The following GRID2 variants were observed in gnomAD, a reference collection of about 807,000 sequenced individuals.
The protein encoded by GRID2 is glutamate receptor ionotropic, delta-2.
In GRID2, 33 loss-of-function variants were observed where a neutral mutation model predicts 114.8. The ratio of observed to expected loss-of-function variants is 0.29; its 90% CI spans 0.22 to 0.38. GRID2 has a LOEUF of 0.38. GRID2 is among the 10% of genes least tolerant of loss of function. The probability of loss-of-function intolerance (pLI) is 1.00; values close to 1 mark genes in which losing one functional copy is unlikely to be tolerated. For missense variants in GRID2, 1,184 were observed against 1,257.7 expected, an observed-to-expected ratio of 0.94 and a Z score of 0.89; for synonymous variants, 505 against 449.9, an observed-to-expected ratio of 1.12 and a Z score of -1.55.
At chr4:92,909,426 C>T (rs1334523305) in intron 2 of GRID2, among the ~76,000 whole-genome samples, 1 of 151,906 alleles carries the variant, frequency 6.6e-6, no homozygotes, top group Non-Finnish European at 1.5e-5. Flanking sequence ...ATTTTAAATA[C>T]TGGAGAAAAG....
At chr4:93,677,348 C>A (rs978896893) in intron 14 of GRID2, among the ~76,000 whole-genome samples, 8 of 152,164 alleles carry the variant, frequency 5.3e-5, no homozygotes, top group Non-Finnish European at 8.8e-5. Flanking sequence ...CCTCTGGGGG[C>A]AGGGCACACA....
intron 8 of GRID2, among the ~76,000 whole-genome samples, chr4:93,298,485 C>T (rs574492182): frequency 3.4e-4 from 52 of 152,308 alleles, no homozygotes; most frequent in African/African-American, 1.1e-3. Flanking sequence ...ACCTAAATCA[C>T]CTTGACCTAA....
chr4:93,716,185 A>C (rs1728884465), intron 14 of GRID2, among the ~76,000 whole-genome samples: 1 of 152,210 alleles, frequency 6.6e-6, no homozygotes, highest in African/African-American at 2.4e-5. Context: ...ATATGTGTAT[A>C]TAAACCTGTA....
chr4:93,758,053 T>C (rs1036167382), intron 14 of GRID2, among the ~76,000 whole-genome samples: 17 of 152,162 alleles, frequency 1.1e-4, no homozygotes, highest in African/African-American at 4.1e-4. Context: ...CTTTTTAAAA[T>C]GTCTAAAATG....
At chr4:93,434,573 C>G (rs1720884832) in intron 10 of GRID2, among the ~76,000 whole-genome samples, 1 of 152,068 alleles carries the variant, frequency 6.6e-6, no homozygotes, top group African/African-American at 2.4e-5. Context: ...AAAAAAACAG[C>G]CTTTATTTCC....
intron 13 of GRID2, among the ~76,000 whole-genome samples, chr4:93,594,094 G>A (rs1738745065): frequency 6.6e-6 from 1 of 152,170 alleles, no homozygotes; most frequent in East Asian, 1.9e-4. Context: ...TCCGTTGCTG[G>A]TGAGGAGCTG....
chr4:92,503,675 C>G (rs1313064526), intron 1 of GRID2, among the ~76,000 whole-genome samples: 1 of 152,096 alleles, frequency 6.6e-6, no homozygotes, highest in African/African-American at 2.4e-5. Context: ...TGATTTCCTT[C>G]CCACTGAACA....
chr4:92,900,595 C>T (rs1455482471), intron 2 of GRID2, among the ~76,000 whole-genome samples: 4 of 152,278 alleles, frequency 2.6e-5, no homozygotes, highest in African/African-American at 9.6e-5. Context: ...CTTTGGGAGG[C>T]CGAGGCGGGT....
chr4:92,356,496 A>T (rs1728330050), intron 1 of GRID2, among the ~76,000 whole-genome samples: 1 of 151,628 alleles, frequency 6.6e-6, no homozygotes, highest in Admixed American at 6.6e-5. Context: ...CTCAGCCATA[A>T]AAAATTTATA....
intron 7 of GRID2, among the ~76,000 whole-genome samples, chr4:93,237,192 T>C (rs1314589284): frequency 6.6e-6 from 1 of 151,936 alleles, no homozygotes; most frequent in Non-Finnish European, 1.5e-5. Context: ...AGGATTTTTA[T>C]TAATAAAACT....
intron 13 of GRID2, among the ~76,000 whole-genome samples, chr4:93,560,488 T>A (rs1037661477): frequency 2.0e-5 from 3 of 152,004 alleles, no homozygotes; most frequent in African/African-American, 4.8e-5. Flanking sequence ...TCATGTGAAC[T>A]CACTCATCAC....
In GRID2 at chr4:93,400,564, C is replaced by T. The variant is rs115820288; in HGVS notation, c.1347+4856C>T. Among the ~76,000 whole-genome samples, 383 of 151,894 alleles carry T rather than the reference C, an allele frequency of 2.5e-3. 1 individual carries two copies. The highest frequency in any genetic ancestry group is 8.6e-3 in the African/African-American group (355 of 41,424). ...TAATTCATGAAAACACTATTGGAAA[C>T]ATTACTGAGTTATAAACATAATCAT... On this transcript the variant is annotated intron_variant, in intron 9 of 15. Coordinates refer to ENST00000282020, the MANE Select transcript of GRID2 (RefSeq NM_001510.4).
intron 2 of GRID2, among the ~76,000 whole-genome samples, chr4:92,698,869 G>T (rs1170105306): frequency 6.6e-6 from 1 of 152,024 alleles, no homozygotes; most frequent in South Asian, 2.1e-4. Flanking sequence ...ACGCAAAATT[G>T]CATTAACAAA....
At chr4:93,777,588 A>G (rs1209021382), downstream of GRID2, among the ~76,000 whole-genome samples, 1 of 152,202 alleles carries the variant, frequency 6.6e-6, no homozygotes, top group Admixed American at 6.5e-5. Flanking sequence ...GAGAAACCCA[A>G]TACATTCCTA....
intron 13 of GRID2, among the ~76,000 whole-genome samples, chr4:93,596,239 C>T (rs773808941): frequency 2.6e-5 from 4 of 152,152 alleles, no homozygotes; most frequent in Admixed American, 1.3e-4. Context: ...CTTAGGCTAT[C>T]GCTAATAATA....
chr4:92,578,119 C>A (rs1374382451), intron 1 of GRID2, among the ~76,000 whole-genome samples: 9 of 88,630 alleles, frequency 1.0e-4, no homozygotes, highest in East Asian at 3.4e-4. Context: ...TCTTCTTTTT[C>A]TTATTATTAT....
At chr4:92,809,095 A>G (rs1054308706) in intron 2 of GRID2, among the ~76,000 whole-genome samples, 1 of 152,022 alleles carries the variant, frequency 6.6e-6, no homozygotes, top group African/African-American at 2.4e-5. Flanking sequence ...TTAATATAAT[A>G]TCTTGCTAAA....
At chr4:92,736,394 A>G (rs1378476804) in intron 2 of GRID2, among the ~76,000 whole-genome samples, 2 of 152,276 alleles carry the variant, frequency 1.3e-5, no homozygotes, top group East Asian at 1.9e-4. Context: ...GAGATATAGC[A>G]TAATAAATTT....
chr4:93,722,668 T>G (rs964871872), intron 14 of GRID2, among the ~76,000 whole-genome samples: 1 of 152,204 alleles, frequency 6.6e-6, no homozygotes, highest in African/African-American at 2.4e-5. Context: ...ATGGATCACT[T>G]CCTGAGAGTT....
Sources: gnomAD v4.1 joint callset for allele counts (sites outside exome capture counted in the v4.1 genomes callset) on GRCh38, gnomAD v4.1.1 for gene constraint, MANE v1.5 for transcripts, NCBI Gene and HGNC (gene_info 2026-07-23, HGNC 2026-07-21) for gene names.